The following KAT2B variants were observed in gnomAD, a reference collection of about 807,000 sequenced individuals.
KAT2B encodes histone acetyltransferase KAT2B.
In KAT2B, 36 loss-of-function variants were observed where a neutral mutation model predicts 105.9. The ratio of observed to expected loss-of-function variants is 0.34; its 90% CI spans 0.26 to 0.45. The LOEUF (loss-of-function observed/expected upper bound fraction) is 0.45. KAT2B is among the 20% of genes least tolerant of loss of function. KAT2B has a pLI of 1.00. For synonymous variants in KAT2B, 397 were observed against 377.9 expected (o/e 1.05, Z -0.59); for missense variants, 820 against 1,021.6 (o/e 0.80, Z 2.69).
intron 8 of KAT2B, among the ~76,000 whole-genome samples, chr3:20,120,434 G>T (rs1699288022): frequency 6.6e-6 from 1 of 151,892 alleles, no homozygotes; most frequent in Non-Finnish European, 1.5e-5. Flanking sequence ...TGCCATATTG[G>T]TCAGGCTGGT....
At chr3:20,085,324 C>G (rs1411668179) in intron 2 of KAT2B, among the ~76,000 whole-genome samples, 1 of 152,290 alleles carries the variant, frequency 6.6e-6, no homozygotes, top group South Asian at 2.1e-4. Context: ...AGATTGACCT[C>G]AAGGAAAATT....
At chr3:20,097,376 A>G (rs781041414) in intron 3 of KAT2B, among the ~76,000 whole-genome samples, 33 of 152,134 alleles carry the variant, frequency 2.2e-4, no homozygotes, top group Non-Finnish European at 3.4e-4. Context: ...ATAACAGTGC[A>G]AATATATTTG....
intron 7 of KAT2B, among the ~76,000 whole-genome samples, chr3:20,118,336 G>A (rs141019517): frequency 0.15 from 21,796 of 146,276 alleles, 1,936 homozygotes; most frequent in Non-Finnish European, 0.21. Context: ...ATTTGTGTGT[G>A]TGTGTGTGTG....
In KAT2B at chr3:20,119,608, A is replaced by T. The variant is rs755004501; in HGVS notation, c.1161A>T (p.Pro387=). The change falls in exon 8 of 18, where the codon CCA becomes CCT. Residue 387 remains proline (P), a synonymous_variant. Coordinates refer to ENST00000263754, the MANE Select transcript of KAT2B (RefSeq NM_003884.5). ...SQLGIQTVIN[P]PPVAGTISYN... ...CTTTTGCCGGGGCAGTTATCAATCC[A>T]CCTCCTGTGGCTGGGACAATTTCAT... The T allele has an allele frequency of 1.2e-6, 2 of 1,613,702 alleles. No homozygotes were observed. The highest frequency in any genetic ancestry group is 2.7e-5 in the African/African-American group (2 of 74,830).
chr3:20,138,329 A>G (rs568760861), intron 12 of KAT2B, among the ~76,000 whole-genome samples: 1 of 152,220 alleles, frequency 6.6e-6, no homozygotes, highest in East Asian at 1.9e-4. Context: ...CATACTGTGT[A>G]TATAATAATT....
At chr3:20,062,395 AATTATATATTATAT>A (rs906672295) in intron 1 of KAT2B, among the ~76,000 whole-genome samples, 1 of 94,380 alleles carries the variant, frequency 1.1e-5, no homozygotes, top group Admixed American at 1.6e-4. Context: ...TAACATAATA[AATTATATATTATAT>A]ATTATATATT....
intron 1 of KAT2B, among the ~76,000 whole-genome samples, chr3:20,068,239 G>A (rs184581472): frequency 3.3e-5 from 5 of 151,138 alleles, no homozygotes; most frequent in East Asian, 2.0e-4. Flanking sequence ...CAGGTGATCC[G>A]CCTGCCTCGG....
At chr3:20,129,007 C>CAA (rs534566854) in intron 11 of KAT2B, among the ~76,000 whole-genome samples, 8,311 of 56,588 alleles carry the variant, frequency 0.15, 701 homozygotes, top group Middle Eastern at 0.2. Context: ...AACTCCATCT[C>CAA]AAAAAAAAAA....
At chr3:20,118,223 G>T (rs954048866) in intron 7 of KAT2B, among the ~76,000 whole-genome samples, 1 of 142,982 alleles carries the variant, frequency 7.0e-6, no homozygotes, top group Non-Finnish European at 1.5e-5. Flanking sequence ...ATTTACATAT[G>T]TAAATATGTA....
intron 7 of KAT2B, among the ~76,000 whole-genome samples, chr3:20,115,352 A>G (rs1296857314): frequency 1.3e-5 from 2 of 152,194 alleles, no homozygotes; most frequent in Non-Finnish European, 2.9e-5. Flanking sequence ...GCATTTTGTG[A>G]GGAAGGAAGA....
chr3:20,090,045 G>A (rs2125192797), intron 2 of KAT2B, among the ~76,000 whole-genome samples: 1 of 151,980 alleles, frequency 6.6e-6, no homozygotes, highest in Non-Finnish European at 1.5e-5. Flanking sequence ...ATCTTTGTGT[G>A]TTGATTTTGT....
chr3:20,132,882 G>C (rs910231598), intron 11 of KAT2B, among the ~76,000 whole-genome samples: 1 of 152,178 alleles, frequency 6.6e-6, no homozygotes, highest in African/African-American at 2.4e-5. Flanking sequence ...TTACAAGATG[G>C]TGCATACAAC....
intron 2 of KAT2B, among the ~76,000 whole-genome samples, chr3:20,088,734 GCTT>G (rs779312421): frequency 1.3e-5 from 2 of 152,086 alleles, no homozygotes; most frequent in Admixed American, 6.5e-5. Context: ...CTATATAGAA[GCTT>G]TTTAGTTTGA....
At chr3:20,143,987 C>T (rs1390375427) in intron 13 of KAT2B, among the ~76,000 whole-genome samples, 3 of 152,076 alleles carry the variant, frequency 2.0e-5, no homozygotes, top group Admixed American at 1.3e-4. Context: ...CAGCATCACA[C>T]AGTATACCCA....
intron 11 of KAT2B, among the ~76,000 whole-genome samples, chr3:20,129,739 G>T (rs1325305415): frequency 6.6e-6 from 1 of 152,072 alleles, no homozygotes; most frequent in African/African-American, 2.4e-5. Context: ...ATTTAGACAA[G>T]CTGCCTTTCA....
intron 2 of KAT2B, among the ~76,000 whole-genome samples, chr3:20,088,401 A>G (rs1033063308): frequency 1.3e-5 from 2 of 152,140 alleles, no homozygotes; most frequent in Non-Finnish European, 2.9e-5. Flanking sequence ...CCTTGTCCTC[A>G]CATTCTTGCC....
chr3:20,068,318 G>A (rs776517684), intron 1 of KAT2B, among the ~76,000 whole-genome samples: 3 of 151,300 alleles, frequency 2.0e-5, no homozygotes, highest in Non-Finnish European at 4.4e-5. Flanking sequence ...ATTTCAACAC[G>A]TCTTTACCCA....
intron 13 of KAT2B, among the ~76,000 whole-genome samples, chr3:20,140,645 C>T (rs1365455285): frequency 6.6e-6 from 1 of 152,086 alleles, no homozygotes; most frequent in Non-Finnish European, 1.5e-5. Flanking sequence ...TGTGTGCTAC[C>T]ATGCCCAGCC....
intron 6 of KAT2B, 41 bp downstream of exon 6, chr3:20,111,828 C>A: frequency 1.3e-6 from 2 of 1,496,680 alleles, no homozygotes; most frequent in Non-Finnish European, 1.8e-6. Context: ...GATCCCAGAG[C>A]TTGAGGTTGC....
Sources: allele counts gnomAD v4.1 joint callset (sites outside exome capture counted in the v4.1 genomes callset), GRCh38; gene constraint gnomAD v4.1.1; transcripts MANE v1.5; gene names NCBI Gene and HGNC (gene_info 2026-07-23, HGNC 2026-07-21).